Variants in TBCD observed in about 807,000 individuals in gnomAD.
TBCD encodes tubulin folding cofactor D.
A neutral mutation model predicts 169.3 loss-of-function variants in TBCD; 105 were observed. That is an observed-to-expected ratio of 0.62 (90% CI 0.53 to 0.73). TBCD has a LOEUF of 0.73. Among genes scored for constraint, TBCD ranks in the 30% least tolerant of loss-of-function variants. The pLI, the probability that TBCD is intolerant of heterozygous loss-of-function variation, is 0.00. For missense variants in TBCD, 1,444 were observed against 1,600.1 expected (o/e 0.90, Z 1.66); for synonymous variants, 700 against 643.9 (o/e 1.09, Z -1.32).
In TBCD at chr17:82,806,634, T is replaced by G. The variant is rs902640578; in HGVS notation, c.1087+623T>G. ...CTGTGAGGCCCCCATCCTCCCAGTA[T>G]CTCCCAGCTTCCTGATGGGCAGGCG... On this transcript the variant is annotated intron_variant, in intron 10 of 38. Coordinates refer to ENST00000355528, the MANE Select transcript of TBCD (RefSeq NM_005993.5). The surrounding 1 kb of genome is among the most constrained non-coding windows in gnomAD (Gnocchi z 5.1). Among the ~76,000 whole-genome samples the G allele has an allele frequency of 2.0e-5, 3 of 152,074 alleles. No homozygotes were observed. Among genetic ancestry groups the G allele is most frequent in the African/African-American group, 7.2e-5 (3 of 41,408 alleles).
intron 12 of TBCD, among the ~76,000 whole-genome samples, chr17:82,813,618 T>A (rs1332220197): frequency 2.6e-5 from 4 of 152,248 alleles, no homozygotes; most frequent in Admixed American, 2.6e-4. Flanking sequence ...TGTTTTGGTA[T>A]TTTTAAGTCA....
rs1021784491 is a variant in TBCD at position 82,908,237 on chromosome 17, C to T, written c.1983+416C>T. On this transcript the variant is annotated intron_variant, in intron 21 of 38. Coordinates refer to ENST00000355528, the MANE Select transcript of TBCD (RefSeq NM_005993.5). The stretch of plus-strand genomic sequence containing the variant: ...AACTCTGGGTGGGGGCATTGGGCCC[C>T]GTGCTCTCCTGGTGGAGTTGGGGGC... The T allele has an allele frequency of 9.8e-5, 44 of 448,254 alleles. 1 individual carries two copies. The highest frequency in any genetic ancestry group is 3.8e-4 in the South Asian group (24 of 63,406). The allele number at this position is 448,254 out of a possible 1,614,324, so 27.8% of individuals were successfully genotyped here.
At chr17:82,854,673 G>A (rs532266653) in intron 13 of TBCD, among the ~76,000 whole-genome samples, 1 of 152,340 alleles carries the variant, frequency 6.6e-6, no homozygotes, top group Admixed American at 6.5e-5. Context: ...GACTGCTGGG[G>A]GGAGCTGGGC....
intron 14 of TBCD, among the ~76,000 whole-genome samples, chr17:82,871,317 T>G (rs1042592238): frequency 6.6e-6 from 1 of 152,128 alleles, no homozygotes; most frequent in African/African-American, 2.4e-5. Flanking sequence ...CTGAAATGAG[T>G]TCTTTTGTGC....
rs1331439863 is a variant in TBCD, at chr17:82,945,135, G to GA, written c.*2679dup. 5 of 151,942 alleles carry GA rather than the reference G, an allele frequency of 3.3e-5. No homozygotes were observed. Among genetic ancestry groups the GA allele is most frequent in the East Asian group, 1.9e-4 (1 of 5,188 alleles). The allele number at this position is 151,942 out of a possible 1,614,324, so 9.4% of individuals were successfully genotyped here. A position where few individuals can be genotyped will look rare whatever the true frequency, so the allele number is the denominator to read the frequency against. ...GCTAGAAATGATCAAGAAGAGATTA[G>GA]AAAAAAACAGAGCCCCTAGAAATGT... On this transcript the variant is annotated 3_prime_UTR_variant, in exon 39 of 39. Coordinates refer to ENST00000355528, the MANE Select transcript of TBCD (RefSeq NM_005993.5).
At chr17:82,909,396 C>T (rs1302832860) in intron 22 of TBCD, 89 bp downstream of exon 22, 3 of 1,116,448 alleles carry the variant, frequency 2.7e-6, no homozygotes, top group Non-Finnish European at 2.6e-6. Context: ...TGTTCGCTTC[C>T]CTCTCTGCCT....
chr17:82,768,014 T>C (rs1395677181), intron 4 of TBCD, among the ~76,000 whole-genome samples: 13 of 151,804 alleles, frequency 8.6e-5, no homozygotes, highest in East Asian at 1.9e-4. Context: ...TCCCAAAGTG[T>C]TGGGATTACA....
At chr17:82,932,223 T>TTTAGACCTGGGACGC (rs1461526248) in intron 33 of TBCD, 2 of 277,062 alleles carry the variant, frequency 7.2e-6, no homozygotes, top group Non-Finnish European at 1.4e-5. Flanking sequence ...GGGTTGTGTA[T>TTTAGACCTGGGACGC]TTAGACCTGG....
chr17:82,917,020 TTTTC>T (rs1323305980), intron 23 of TBCD, among the ~76,000 whole-genome samples: 1 of 4,848 alleles, frequency 2.1e-4, no homozygotes, highest in Non-Finnish European at 5.3e-4. Context: ...TTTTCTTTTC[TTTTC>T]TTTTTTTTTT....
chr17:82,850,082 G>T (rs181368764), intron 13 of TBCD, among the ~76,000 whole-genome samples: 233 of 21,258 alleles, frequency 0.011, 40 homozygotes, highest in African/African-American at 0.038. Context: ...GCTGTGCTGT[G>T]CTGCTGTTGG....
At chr17:82,771,067 AAAG>A (rs1357459866) in intron 5 of TBCD, among the ~76,000 whole-genome samples, 1 of 150,722 alleles carries the variant, frequency 6.6e-6, no homozygotes, top group African/African-American at 2.4e-5. Flanking sequence ...AAAAAAAAAA[AAAG>A]CCTGCCCCAG....
intron 16 of TBCD, among the ~76,000 whole-genome samples, chr17:82,892,611 A>T (rs972940032): frequency 6.6e-6 from 1 of 152,028 alleles, no homozygotes; most frequent in African/African-American, 2.4e-5. Context: ...AAGCTATTAC[A>T]TGAAGGTGTG....
Position 82,906,051 on chromosome 17 carries a change from C to G in TBCD, c.1920C>G (p.Asn640Lys). The G allele has an allele frequency of 6.2e-7, 1 of 1,602,868 alleles. No homozygotes were observed. The part of the protein sequence containing the change: ...YALYKLAAQE[N>K]RPVTDHLDEQ... ...TGTACAAACTTGCAGCCCAAGAGAA[C>G]AGGTAGGAAGAGTGGGTCTCGAGGA... is the stretch of plus-strand genomic sequence containing the variant. The change falls in exon 20 of 39, where the codon AAC becomes AAG. Residue 640 changes from asparagine to lysine, a missense_variant and splice_region_variant. By Grantham distance (94) the Asn-to-Lys change is moderately conservative (BLOSUM62 0). Coordinates refer to ENST00000355528, the MANE Select transcript of TBCD (RefSeq NM_005993.5).
At position 82,801,226 on chromosome 17, in the gene TBCD, G is replaced by A. The variant is rs183600206; in HGVS notation, c.950+230G>A. 8.9e-3 allele frequency among the ~76,000 whole-genome samples: 1,359 copies of A among 152,332 alleles called. 13 individuals are homozygous for A. The highest frequency in any genetic ancestry group is 0.048 in the Middle Eastern group (14 of 294). Reference sequence around the variant, plus strand: ...CTCTGGAGGGCAGGCCGAGCCGTAGGTGAGCGTCTGGTGTGGCTGGTGCTG... The same window carrying A: ...CTCTGGAGGGCAGGCCGAGCCGTAGATGAGCGTCTGGTGTGGCTGGTGCTG... On this transcript the variant is annotated intron_variant, in intron 9 of 38. Transcript: ENST00000355528.
chr17:82,908,306 T>TGCAGCTGGGGTCTGATGTCTCCTG, intron 21 of TBCD: 1 of 456,972 alleles, frequency 2.2e-6, no homozygotes, highest in Non-Finnish European at 4.4e-6. Context: ...GCCGTGCATC[T>TGCAGCTGGGGTCTGATGTCTCCTG]GCAGCTGGGG....
chr17:82,829,197 G>A (rs1449540249), intron 13 of TBCD, among the ~76,000 whole-genome samples: 1 of 151,050 alleles, frequency 6.6e-6, no homozygotes, highest in African/African-American at 2.4e-5. Context: ...CCGCAGACGT[G>A]CACATGCACA....
intron 13 of TBCD, among the ~76,000 whole-genome samples, chr17:82,816,836 C>A (rs529290662): frequency 1.4e-5 from 2 of 147,444 alleles, no homozygotes; most frequent in African/African-American, 5.0e-5. Flanking sequence ...CCACACTTGC[C>A]CCCTGCTTCT....
intron 13 of TBCD, among the ~76,000 whole-genome samples, chr17:82,850,316 C>CTGCTGGCTGTGCTGT (rs2055650039): frequency 1.2e-5 from 1 of 80,044 alleles, no homozygotes; most frequent in East Asian, 4.5e-4. Context: ...TGCTCTTCTG[C>CTGCTGGCTGTGCTGT]TGTTGGCTGT....
At chr17:82,807,697 C>A in intron 11 of TBCD, 29 bp downstream of exon 11, 1 of 1,435,564 alleles carries the variant, frequency 7.0e-7, no homozygotes. Context: ...AGAAGCACCC[C>A]GGGGGGTGGG....
Sources: allele counts gnomAD v4.1 joint callset (sites outside exome capture counted in the v4.1 genomes callset), GRCh38; gene constraint gnomAD v4.1.1; non-coding constraint Gnocchi (gnomAD v3.1); transcripts MANE v1.5; gene names NCBI Gene and HGNC (gene_info 2026-07-23, HGNC 2026-07-21).